BIRC3: variants seen among roughly 807,000 people sequenced by gnomAD.
The protein encoded by BIRC3 is baculoviral IAP repeat-containing protein 3.
In BIRC3, 26 loss-of-function variants were observed where a neutral mutation model predicts 59.0. The observed-to-expected ratio is 0.44, with a 90% CI of 0.32 to 0.61. The LOEUF is 0.61. Ranked by LOEUF, BIRC3 falls within the 20% of genes least tolerant of loss-of-function variation. The pLI, the probability that BIRC3 is intolerant of heterozygous loss-of-function variation, is 0.04. For synonymous variants in BIRC3, 243 were observed against 249.2 expected, an observed-to-expected ratio of 0.98 and a Z score of 0.24; for missense variants, 641 against 711.5, an observed-to-expected ratio of 0.90 and a Z score of 1.13.
intron 1 of BIRC3, among the ~76,000 whole-genome samples, chr11:102,319,126 C>T (rs1258896625): frequency 6.6e-6 from 1 of 151,110 alleles, no homozygotes; most frequent in African/African-American, 2.4e-5. Context: ...TTACTGCAAC[C>T]TCCACCTCCC....
rs760957345 is a variant in BIRC3 at position 102,336,070 on chromosome 11, C to A, written c.1429C>A (p.Gln477Lys). The A allele has an allele frequency of 6.2e-7, 1 of 1,613,722 alleles. No individual in the cohort carries two copies. Among genetic ancestry groups the A allele is most frequent in the East Asian group, 2.2e-5 (1 of 44,818 alleles). Residue 477 changes from glutamine (Q) to lysine (K), a missense_variant, in exon 7 of 9, where the codon CAA (glutamine) becomes AAA (lysine). Around this residue, in one of 4 missense-constraint regions of BIRC3, gnomAD observed 268 missense variants for 255.7 expected, o/e 1.05. Coordinates refer to ENST00000263464, the MANE Select transcript of BIRC3 (RefSeq NM_001165.5). ...ACTAACTGCCGGAATTATTAATGAA[C>A]AAGAACATGATGTTATTAAACAGAA... ...SLLTAGIINE[Q>K]EHDVIKQKTQ...
At chr11:102,326,938 C>T (rs1951088651) in intron 3 of BIRC3, 1 of 358,746 alleles carries the variant, frequency 2.8e-6, no homozygotes, top group Admixed American at 3.7e-5. Flanking sequence ...AAACTCCTGA[C>T]CTCAGGACTT....
Position 102,324,605 on chromosome 11 carries a change from A to G in BIRC3, c.96A>G (p.Arg32=). ...LKYDLSCELY[R]MSTYSTFPAG... ...ACGACTTGTCATGTGAACTGTACCG[A>G]ATGTCTACGTATTCCACTTTTCCTG... Residue 32 remains arginine (R), a synonymous_variant, in exon 2 of 9, where the codon CGA becomes CGG. Coordinates refer to ENST00000263464, the MANE Select transcript of BIRC3 (RefSeq NM_001165.5). 1 of 1,614,180 alleles carries G rather than the reference A, an allele frequency of 6.2e-7. No individual in the cohort carries two copies. The highest frequency in any genetic ancestry group is 8.5e-7 in the Non-Finnish European group (1 of 1,180,002).
chr11:102,336,648 G>A, intron 7 of BIRC3, 112 bp from the exon 8 acceptor site: 1 of 984,566 alleles, frequency 1.0e-6, no homozygotes, highest in Non-Finnish European at 1.5e-6. Flanking sequence ...GACTTCTGTT[G>A]CCTTGAAATG....
At chr11:102,317,893 A>T (rs1565319554) in intron 1 of BIRC3, among the ~76,000 whole-genome samples, 1 of 152,232 alleles carries the variant, frequency 6.6e-6, no homozygotes, top group Non-Finnish European at 1.5e-5. Flanking sequence ...GCAGGTGCCA[A>T]ATAAATTTCA....
Position 102,324,467 on chromosome 11 carries a change from C to T in BIRC3, c.-43C>T. The T allele has an allele frequency of 1.9e-6, 3 of 1,547,406 alleles. No homozygotes were observed. Among genetic ancestry groups the T allele is most frequent in the Non-Finnish European group, 2.6e-6 (3 of 1,149,534 alleles). Reference sequence around the variant, plus strand: ...GCAAAGCCATGCACAAAACTACCTCCCTAGAGAAAGGCTAGTCCCTTTTCT... The same window carrying T: ...GCAAAGCCATGCACAAAACTACCTCTCTAGAGAAAGGCTAGTCCCTTTTCT... On this transcript the variant is annotated 5_prime_UTR_variant, in exon 2 of 9. Coordinates refer to ENST00000263464, the MANE Select transcript of BIRC3 (RefSeq NM_001165.5).
Position 102,337,113 on chromosome 11 carries a change from A to C in BIRC3, c.*11A>C. ...ACATTTCTTTCATGAAGAAGAACCA[A>C]AACATCGTCTAAACTTTAGAATTAA... On this transcript the variant is annotated 3_prime_UTR_variant, in exon 9 of 9. Coordinates refer to ENST00000263464, the MANE Select transcript of BIRC3 (RefSeq NM_001165.5). 6.8e-7 allele frequency: 1 copy of C among 1,475,302 alleles called. No individual in the cohort carries two copies. Among genetic ancestry groups the C allele is most frequent in the Non-Finnish European group, 9.0e-7 (1 of 1,114,994 alleles). 91.4% of individuals were successfully genotyped at this position (1,475,302 alleles called of 1,614,324 possible).
At chr11:102,321,634 C>T (rs1175482605) in intron 1 of BIRC3, among the ~76,000 whole-genome samples, 2 of 152,196 alleles carry the variant, frequency 1.3e-5, no homozygotes, top group African/African-American at 2.4e-5. Context: ...GGATTACAGG[C>T]GTGAGCCACT....
rs1336759325 is a variant in BIRC3, at chr11:102,337,376, A to G, written c.*274A>G. ...AAATTTCAGCATTATTGAAATTGTA[A>G]GTGAAGTAAAACTTAAGATATTTGA... On this transcript the variant is annotated 3_prime_UTR_variant, in exon 9 of 9. Coordinates refer to ENST00000263464, the MANE Select transcript of BIRC3 (RefSeq NM_001165.5). 6 of 403,180 alleles carry G rather than the reference A, an allele frequency of 1.5e-5. No homozygotes were observed. The highest frequency in any genetic ancestry group is 4.1e-5 in the African/African-American group (2 of 48,652). 25.0% of individuals were successfully genotyped at this position (403,180 alleles called of 1,614,324 possible). A position where few individuals can be genotyped will look rare whatever the true frequency, so the allele number is the denominator to read the frequency against.
chr11:102,331,507 T>C (rs578232383), intron 6 of BIRC3, among the ~76,000 whole-genome samples: 1 of 152,340 alleles, frequency 6.6e-6, no homozygotes, highest in African/African-American at 2.4e-5. Flanking sequence ...TAGCTGACGT[T>C]GTGTCCAATT....
At chr11:102,318,048 T>C in intron 1 of BIRC3, among the ~76,000 whole-genome samples, 1 of 152,336 alleles carries the variant, frequency 6.6e-6, no homozygotes, top group Admixed American at 6.5e-5. Flanking sequence ...AGTAGTGCTC[T>C]TACTCTGATC....
chr11:102,326,477 T>C (rs879509644), intron 3 of BIRC3, among the ~76,000 whole-genome samples: 15 of 152,222 alleles, frequency 9.9e-5, no homozygotes, highest in Non-Finnish European at 1.8e-4. Flanking sequence ...AAACTTAATG[T>C]ACTAACTAAA....
chr11:102,336,863 T>G (rs779371983), intron 8 of BIRC3, 46 bp from the exon 9 acceptor site: 12 of 1,589,506 alleles, frequency 7.5e-6, no homozygotes, highest in Non-Finnish European at 1.0e-5. Flanking sequence ...AGTTTTTCAC[T>G]GAAGAAGCAA....
rs898058219 is a variant in BIRC3, at chr11:102,338,571, T to A, written c.*1469T>A. Reference sequence around the variant, plus strand: ...AAAAAAGGATATGATCTAATGGGAATAGACACAGGTTGGGGACCCAGCAAG... The same window carrying A: ...AAAAAAGGATATGATCTAATGGGAAAAGACACAGGTTGGGGACCCAGCAAG... On this transcript the variant is annotated 3_prime_UTR_variant, in exon 9 of 9. Transcript: ENST00000263464. The A allele has an allele frequency of 3.5e-5, 8 of 228,550 alleles. No individual in the cohort carries two copies. Among genetic ancestry groups the A allele is most frequent in the African/African-American group, 1.6e-4 (7 of 45,054 alleles). 14.2% of individuals were successfully genotyped at this position (228,550 alleles called of 1,614,324 possible).
chr11:102,318,164 T>C (rs1950992631), intron 1 of BIRC3, among the ~76,000 whole-genome samples: 1 of 152,362 alleles, frequency 6.6e-6, no homozygotes, highest in Non-Finnish European at 1.5e-5. Flanking sequence ...CTACCTGCTA[T>C]GTGCTAGGTT....
chr11:102,328,203 A>C, intron 4 of BIRC3, 73 bp downstream of exon 4: 2 of 1,111,074 alleles, frequency 1.8e-6, no homozygotes, highest in Non-Finnish European at 2.7e-6. Flanking sequence ...AGAGAGTGCT[A>C]TTTGAGTGAA....
At chr11:102,327,944 A>G in intron 3 of BIRC3, 108 bp from the exon 4 acceptor site, 1 of 781,070 alleles carries the variant, frequency 1.3e-6, no homozygotes. Flanking sequence ...GAGGCAAACA[A>G]CCAGATTTGA....
intron 6 of BIRC3, among the ~76,000 whole-genome samples, chr11:102,331,515 A>G (rs894482846): frequency 6.6e-6 from 1 of 152,118 alleles, no homozygotes; most frequent in Non-Finnish European, 1.5e-5. Flanking sequence ...GTTGTGTCCA[A>G]TTATGCATTC....
At chr11:102,326,765 T>C (rs191730967) in intron 3 of BIRC3, 1 of 454,924 alleles carries the variant, frequency 2.2e-6, no homozygotes, top group Non-Finnish European at 4.4e-6. Context: ...TGGAGTGCGA[T>C]GGTGTGATGT....
Sources: allele counts gnomAD v4.1 joint callset (sites outside exome capture counted in the v4.1 genomes callset), GRCh38; gene constraint gnomAD v4.1.1; regional missense constraint gnomAD v4.1.1; transcripts MANE v1.5; gene names NCBI Gene and HGNC (gene_info 2026-07-23, HGNC 2026-07-21).